The following CCDC158 variants were observed in gnomAD, a reference collection of about 807,000 sequenced individuals.
CCDC158 encodes coiled-coil domain-containing protein 158.
In CCDC158, 116 loss-of-function variants were observed where a neutral mutation model predicts 138.6. The observed-to-expected ratio is 0.84, with a 90% CI of 0.72 to 0.98. The LOEUF is 0.98. Ranked by LOEUF, CCDC158 falls within the 50% of genes least tolerant of loss-of-function variation. CCDC158 has a pLI of 0.00. For synonymous variants in CCDC158, 436 were observed against 442.4 expected (o/e 0.99, Z 0.18); for missense variants, 1,265 against 1,306.1 (o/e 0.97, Z 0.48).
intron 18 of CCDC158, among the ~76,000 whole-genome samples, chr4:76,339,084 C>G (rs1386311537): frequency 6.6e-6 from 1 of 152,040 alleles, no homozygotes; most frequent in African/African-American, 2.4e-5. Flanking sequence ...CCAATGAAAC[C>G]ATGAAACCTT....
Position 76,328,901 on chromosome 4 carries a change from T to C in CCDC158, c.3009A>G (p.Ala1003=), listed in dbSNP as rs374998035. The change falls in exon 22 of 25, where the codon GCA becomes GCG. Residue 1003 remains alanine, a splice_region_variant and synonymous_variant. Transcript: ENST00000682701. ...DPSGCFTFTS[A]ASPSVKNSAS... is the part of the protein sequence containing the mutation. Reference sequence around the variant, plus strand: ...TCTGTGCTTTCATTGGAAACTCACCTGCAGATGTGAATGTGAAGCAACCAG... The same window carrying C: ...TCTGTGCTTTCATTGGAAACTCACCCGCAGATGTGAATGTGAAGCAACCAG... 3.6e-4 allele frequency: 580 copies of C among 1,613,188 alleles called. No homozygotes were observed. The highest frequency in any genetic ancestry group is 4.6e-4 in the Non-Finnish European group (543 of 1,179,256).
chr4:76,317,397 A>G (rs924564777), intron 24 of CCDC158, among the ~76,000 whole-genome samples: 2 of 152,192 alleles, frequency 1.3e-5, no homozygotes, highest in Admixed American at 1.3e-4. Context: ...GGGATATTAT[A>G]TAGTGATAAA....
At chr4:76,401,939 T>A (rs1396588730) in intron 3 of CCDC158, 1 of 152,154 alleles carries the variant, frequency 6.6e-6, no homozygotes, top group Non-Finnish European at 1.5e-5. Context: ...ACAATGGCAT[T>A]TTAGGATATA....
At chr4:76,400,171 C>T (rs28602560) in intron 3 of CCDC158, among the ~76,000 whole-genome samples, 4,427 of 151,886 alleles carry the variant, frequency 0.029, 212 homozygotes, top group African/African-American at 0.1. Context: ...CCATCAATGA[C>T]AGACTGGATT....
At chr4:76,383,891 T>A (rs1485335614) in intron 6 of CCDC158, among the ~76,000 whole-genome samples, 153 bp from the exon 7 acceptor site, 1 of 152,222 alleles carries the variant, frequency 6.6e-6, no homozygotes, top group African/African-American at 2.4e-5. Flanking sequence ...GATCTTTTAC[T>A]TTGTCTATAC....
chr4:76,343,748 C>A (rs1722278264), intron 18 of CCDC158, among the ~76,000 whole-genome samples: 1 of 152,074 alleles, frequency 6.6e-6, no homozygotes, highest in Non-Finnish European at 1.5e-5. Context: ...TCACAGTGAG[C>A]CGAGATCATG....
rs79276522 is a variant in CCDC158, at chr4:76,370,834, T to C, written c.1149+583A>G. ...TCCTTACCTCAGCTCATCAAACCCT[T>C]GTCAGCCTGCAAAGGATGGCTTTAC... On this transcript the variant is annotated intron_variant, in intron 10 of 24. Transcript: ENST00000682701. Among the ~76,000 whole-genome samples, 30 of 152,292 alleles carry C rather than the reference T, an allele frequency of 2.0e-4. No individual in the cohort carries two copies. The East Asian group carries it at 5.8e-3, about 29-fold the overall frequency.
At chr4:76,356,654 A>G (rs1723597373) in intron 14 of CCDC158, 1 of 152,186 alleles carries the variant, frequency 6.6e-6, no homozygotes, top group Non-Finnish European at 1.5e-5. Context: ...CCTTGCACAG[A>G]GACTATGGTA....
intron 4 of CCDC158, among the ~76,000 whole-genome samples, chr4:76,385,825 T>C (rs1430306339): frequency 1.3e-5 from 2 of 152,112 alleles, no homozygotes; most frequent in Admixed American, 6.6e-5. Flanking sequence ...AAGTACATTA[T>C]GGTGGCATTT....
chr4:76,401,018 T>A (rs370449844), intron 3 of CCDC158, among the ~76,000 whole-genome samples: 3 of 152,186 alleles, frequency 2.0e-5, no homozygotes, highest in African/African-American at 7.2e-5. Context: ...CTGGGGAGCT[T>A]TAAAAAAAAC....
At chr4:76,400,631 T>G (rs1414084732) in intron 3 of CCDC158, among the ~76,000 whole-genome samples, 2 of 152,032 alleles carry the variant, frequency 1.3e-5, no homozygotes, top group Non-Finnish European at 2.9e-5. Context: ...GGTGTGATTT[T>G]GAAATAAGTA....
At chr4:76,345,121 C>T (rs1722417307) in intron 18 of CCDC158, 1 of 1,137,424 alleles carries the variant, frequency 8.8e-7, no homozygotes, top group Non-Finnish European at 1.3e-6. Flanking sequence ...CACACTGCAG[C>T]CTGCTTACAT....
intron 18 of CCDC158, among the ~76,000 whole-genome samples, chr4:76,337,236 C>T (rs1276240411): frequency 1.3e-5 from 2 of 152,196 alleles, no homozygotes; most frequent in Admixed American, 6.5e-5. Context: ...GCAATCTGCC[C>T]GCCTCGGCCT....
In CCDC158 at chr4:76,376,270, CCCAGG is replaced by C. The variant is rs1339773618; in HGVS notation, c.1029+3015_1029+3019del. ...GTAGAGACAGAGTCCCACTATGTTG[CCCAGG>C]CTTGTCTCAAGCTCCTAGGCTCAAG... On this transcript the variant is annotated intron_variant, in intron 9 of 24. Coordinates refer to ENST00000682701, the MANE Select transcript of CCDC158 (RefSeq NM_001394954.1). Among the ~76,000 whole-genome samples the C allele has an allele frequency of 4.6e-3, 695 of 152,240 alleles. 5 individuals are homozygous for C. Among genetic ancestry groups the C allele is most frequent in the African/African-American group, 0.016 (675 of 41,540 alleles).
intron 20 of CCDC158, among the ~76,000 whole-genome samples, chr4:76,332,042 T>C (rs1721058375): frequency 6.6e-6 from 1 of 152,204 alleles, no homozygotes; most frequent in Admixed American, 6.5e-5. Flanking sequence ...GAAAATAGGA[T>C]GGTTTTCAGT....
chr4:76,327,899 C>A (rs1030811108), intron 22 of CCDC158, among the ~76,000 whole-genome samples: 1 of 152,184 alleles, frequency 6.6e-6, no homozygotes, highest in Admixed American at 6.5e-5. Flanking sequence ...AGACCAATTA[C>A]GTGTCTGTTG....
intron 9 of CCDC158, among the ~76,000 whole-genome samples, chr4:76,376,339 T>C (rs112253234): frequency 0.018 from 2,721 of 152,266 alleles, 38 homozygotes; most frequent in Non-Finnish European, 0.029. Context: ...GCTGGGATTA[T>C]GGGTGTAAGC....
At chr4:76,358,534 G>T in intron 13 of CCDC158, among the ~76,000 whole-genome samples, 1 of 152,156 alleles carries the variant, frequency 6.6e-6, no homozygotes, top group South Asian at 2.1e-4. Flanking sequence ...GCCCTCATTC[G>T]TTTCACTTTT....
chr4:76,378,262 C>T (rs1453751670), intron 9 of CCDC158, among the ~76,000 whole-genome samples: 1 of 152,130 alleles, frequency 6.6e-6, no homozygotes, highest in Non-Finnish European at 1.5e-5. Context: ...TGGAAGAATT[C>T]GTGCTGCAAT....
Sources: gnomAD v4.1 joint callset for allele counts (sites outside exome capture counted in the v4.1 genomes callset) on GRCh38, gnomAD v4.1.1 for gene constraint, MANE v1.5 for transcripts, NCBI Gene and HGNC (gene_info 2026-07-23, HGNC 2026-07-21) for gene names.